The following MYO9B variants were observed in gnomAD, a reference collection of about 807,000 sequenced individuals.
MYO9B encodes myosin IXB.
A neutral mutation model predicts 229.5 loss-of-function variants in MYO9B; 71 were observed. The observed-to-expected ratio is 0.31, with a 90% CI of 0.26 to 0.38. The LOEUF is 0.38. Ranked by LOEUF, MYO9B falls within the 10% of genes least tolerant of loss-of-function variation. The pLI, the probability that MYO9B is intolerant of heterozygous loss-of-function variation, is 1.00. For missense variants in MYO9B, 2,255 were observed against 2,920.5 expected (o/e 0.77, Z 5.25); for synonymous variants, 1,185 against 1,235.8 (o/e 0.96, Z 0.86).
chr19:17,141,936 G>A (rs771647348), intron 2 of MYO9B, among the ~76,000 whole-genome samples: 3 of 152,114 alleles, frequency 2.0e-5, no homozygotes, highest in African/African-American at 2.4e-5. Flanking sequence ...CAGCCCTTTC[G>A]GAGGCCGAGT....
At chr19:17,208,824 C>T (rs1205204582) in intron 35 of MYO9B, among the ~76,000 whole-genome samples, 1 of 152,190 alleles carries the variant, frequency 6.6e-6, no homozygotes, top group African/African-American at 2.4e-5. Context: ...CACCACAGAG[C>T]TCACCCAACC....
At chr19:17,110,074 G>T (rs565522104) in intron 2 of MYO9B, among the ~76,000 whole-genome samples, 2 of 152,284 alleles carry the variant, frequency 1.3e-5, no homozygotes, top group East Asian at 3.9e-4. Flanking sequence ...CAGAAAGCCG[G>T]AGATCAGCAC....
chr19:17,134,391 T>TG (rs2072243020), intron 2 of MYO9B, among the ~76,000 whole-genome samples: 1 of 118,124 alleles, frequency 8.5e-6, no homozygotes, highest in South Asian at 3.5e-4. Context: ...GTTTTTTTTT[T>TG]TTTTTTTTTT....
rs370230422 is a variant in MYO9B, at chr19:17,145,474, G to A, written c.918G>A (p.Glu306=). The A allele has an allele frequency of 6.8e-6, 11 of 1,613,876 alleles. No homozygotes were observed. The African/African-American group carries it at 1.5e-4, about 22-fold the overall frequency. The stretch of plus-strand genomic sequence containing the variant: ...AATTCATCCAAGTCAGCTACCTAGA[G>A]AGTGGCATCGTGAGAGGGTGAGGTG... ...FGKFIQVSYL[E]SGIVRGAVVE... is the part of the protein sequence containing the mutation. Residue 306 remains glutamate (E), a synonymous_variant, in exon 3 of 40, where the codon GAG becomes GAA. Transcript: ENST00000682292.
chr19:17,209,132 A>G (rs1266701308), intron 35 of MYO9B, among the ~76,000 whole-genome samples: 1 of 151,934 alleles, frequency 6.6e-6, no homozygotes, highest in African/African-American at 2.4e-5. Flanking sequence ...TGACCACTCC[A>G]AGCTGAGTCC....
At chr19:17,085,415 C>G (rs942249176) in intron 1 of MYO9B, among the ~76,000 whole-genome samples, 4 of 151,712 alleles carry the variant, frequency 2.6e-5, no homozygotes, top group Non-Finnish European at 5.9e-5. Flanking sequence ...GGCCAGGTAG[C>G]GAGCCACCTA....
intron 6 of MYO9B, among the ~76,000 whole-genome samples, chr19:17,155,968 C>T (rs1253994880): frequency 1.3e-5 from 2 of 150,990 alleles, no homozygotes; most frequent in Non-Finnish European, 2.9e-5. Flanking sequence ...TGCCGTGAGC[C>T]GAGATTGCGC....
At chr19:17,186,064 T>G in intron 18 of MYO9B, 63 bp downstream of exon 18, 2 of 1,457,320 alleles carry the variant, frequency 1.4e-6, no homozygotes, top group Non-Finnish European at 1.9e-6. Context: ...GGTGTCGGTG[T>G]CCCTGCATCC....
chr19:17,206,398 G>C (rs1358108501), intron 33 of MYO9B, 22 bp downstream of exon 33: 1 of 1,603,856 alleles, frequency 6.2e-7, no homozygotes, highest in Non-Finnish European at 8.5e-7. Context: ...GGCGGTGCGG[G>C]TGGCAGCAGG....
intron 14 of MYO9B, among the ~76,000 whole-genome samples, chr19:17,180,209 G>T (rs879280250): frequency 1.4e-5 from 2 of 144,708 alleles, no homozygotes; most frequent in Admixed American, 1.4e-4. Context: ...CTCCAGCCTG[G>T]GCGACAGAGT....
In MYO9B at chr19:17,102,374, C is replaced by T. The variant is rs530724844; in HGVS notation, c.657C>T (p.Ala219=). The change falls in exon 2 of 40, where the codon GCC becomes GCT. Residue 219 remains alanine, a synonymous_variant. Coordinates refer to ENST00000682292, the MANE Select transcript of MYO9B (RefSeq NM_004145.4). Reference sequence around the variant, plus strand: ...TGGAGCCACACGTCTTCGCGCTGGCCGACGTGGCCTACTACACCATGCTCA... The same window carrying T: ...TGGAGCCACACGTCTTCGCGCTGGCTGACGTGGCCTACTACACCATGCTCA... The part of the protein sequence containing the change: ...GKLEPHVFAL[A]DVAYYTMLRK... 9.3e-6 allele frequency: 15 copies of T among 1,613,988 alleles called. No homozygotes were observed. Among genetic ancestry groups the T allele is most frequent in the South Asian group, 3.3e-5 (3 of 91,090 alleles).
At chr19:17,184,008 CT>C in intron 16 of MYO9B, 140 bp downstream of exon 16, 1 of 861,276 alleles carries the variant, frequency 1.2e-6, no homozygotes, top group Non-Finnish European at 1.8e-6. Context: ...AAAAAATGTT[CT>C]CGTGTTGAGA....
At chr19:17,127,119 C>T (rs11670152) in intron 2 of MYO9B, among the ~76,000 whole-genome samples, 98,044 of 142,098 alleles carry the variant, frequency 0.69, 33,830 homozygotes, top group African/African-American at 0.8. Context: ...TCAAGCGATT[C>T]TCCTGCCACA....
chr19:17,192,722 C>G (rs1363408244), intron 20 of MYO9B, 24 bp from the exon 21 acceptor site: 1 of 1,498,476 alleles, frequency 6.7e-7, no homozygotes, highest in East Asian at 2.5e-5. Flanking sequence ...TGCAGCTGAC[C>G]CCACCTGACC....
intron 16 of MYO9B, 29 bp from the exon 17 acceptor site, chr19:17,184,836 G>A (rs749714226): frequency 6.2e-7 from 1 of 1,612,806 alleles, no homozygotes; most frequent in East Asian, 2.2e-5. Flanking sequence ...CTGTGGGAGG[G>A]CAGGCCGGAC....
chr19:17,183,836 A>G lies in MYO9B; in HGVS notation c.2341A>G (p.Lys781Glu). 6.4e-7 allele frequency: 1 copy of G among 1,570,940 alleles called. No homozygotes were observed. Among genetic ancestry groups the G allele is most frequent in the Non-Finnish European group, 8.6e-7 (1 of 1,161,104 alleles). ...QKPRAFILKS[K>E]GIKQKQIIPK... ...TTTTTAATATTTTGACAGGAAAAGT[A>G]AAGGTATCAAACAAAAGCAGATCAT... The change falls in exon 16 of 40, where the codon AAA (lysine) becomes GAA (glutamate). Residue 781 changes from lysine (K) to glutamate (E), a missense_variant. Around this residue, in one of 7 missense-constraint regions of MYO9B, gnomAD observed 155 missense variants for 159.1 expected, o/e 0.97. Transcript: ENST00000682292.
rs1322024025 is a variant in MYO9B, at chr19:17,154,076, C to G, written c.1098+10C>G. 5.6e-6 allele frequency: 9 copies of G among 1,606,494 alleles called. No individual in the cohort carries two copies. Among genetic ancestry groups the G allele is most frequent in the Non-Finnish European group, 7.6e-6 (9 of 1,176,476 alleles). ...TTTCTACCTCAACCAGGTAAACAGCCTCAAGCCCGAGCCACAAACGCCACC... is the reference window on the plus strand; with the variant it reads ...TTTCTACCTCAACCAGGTAAACAGCGTCAAGCCCGAGCCACAAACGCCACC... On this transcript the variant is annotated intron_variant, in intron 5 of 39. Coordinates refer to ENST00000682292, the MANE Select transcript of MYO9B (RefSeq NM_004145.4).
chr19:17,086,668 C>A (rs933163897), intron 1 of MYO9B, among the ~76,000 whole-genome samples: 6 of 152,084 alleles, frequency 3.9e-5, no homozygotes. Context: ...TCGCTTGAGG[C>A]CAGGAGTTCA....
Position 17,101,629 on chromosome 19 carries a change from T to G in MYO9B, c.-58-31T>G. On this transcript the variant is annotated intron_variant, in intron 1 of 39. Transcript: ENST00000682292. The surrounding 1 kb of genome is among the most constrained non-coding windows in gnomAD (Gnocchi z 4.7). ...CCCCTTAAACTTCCTCCCACCATTC[T>G]GACCATGCCTGGCTCTGACCTCCCT... 1 of 1,453,820 alleles carries G rather than the reference T, an allele frequency of 6.9e-7. No individual in the cohort carries two copies. The highest frequency in any genetic ancestry group is 9.0e-7 in the Non-Finnish European group (1 of 1,107,164). The allele number at this position is 1,453,820 out of a possible 1,614,324, so 90.1% of individuals were successfully genotyped here.
Sources: allele counts gnomAD v4.1 joint callset (sites outside exome capture counted in the v4.1 genomes callset), GRCh38; gene constraint gnomAD v4.1.1; regional missense constraint gnomAD v4.1.1; non-coding constraint Gnocchi (gnomAD v3.1); transcripts MANE v1.5; gene names NCBI Gene and HGNC (gene_info 2026-07-23, HGNC 2026-07-21).